Variants in CALN1 observed in about 807,000 individuals in gnomAD.
CALN1 encodes calneuron 1.
Under a neutral mutation model 30.6 loss-of-function variants are expected in CALN1, and 17 were observed. The ratio of observed to expected loss-of-function variants is 0.56; its 90% CI spans 0.38 to 0.83. The LOEUF is 0.83. Ranked by LOEUF, CALN1 falls within the 40% of genes least tolerant of loss-of-function variation. CALN1 has a pLI of 0.00. For missense variants in CALN1, 291 were observed against 354.9 expected, an observed-to-expected ratio of 0.82 and a Z score of 1.45; for synonymous variants, 156 against 131.4, an observed-to-expected ratio of 1.19 and a Z score of -1.28.
chr7:72,201,483 C>A (rs550472818), intron 3 of CALN1, among the ~76,000 whole-genome samples: 4 of 151,532 alleles, frequency 2.6e-5, no homozygotes, highest in Non-Finnish European at 5.9e-5. Context: ...CCCAGCTACT[C>A]GGGAGGCTGA....
At chr7:72,265,980 A>G (rs545637992) in intron 3 of CALN1, among the ~76,000 whole-genome samples, 2 of 152,130 alleles carry the variant, frequency 1.3e-5, no homozygotes, top group Non-Finnish European at 2.9e-5. Context: ...CAAAAATAAA[A>G]AACAAAACAA....
chr7:72,473,939 A>AAAAGAAAG, the CALN1 span, among the ~76,000 whole-genome samples: 1 of 150,690 alleles, frequency 6.6e-6, no homozygotes, highest in Non-Finnish European at 1.5e-5. Context: ...AAAAAAAAAA[A>AAAAGAAAG]AAAGAAAGAA....
chr7:72,233,514 G>A (rs1194451939), intron 3 of CALN1, among the ~76,000 whole-genome samples: 1 of 152,072 alleles, frequency 6.6e-6, no homozygotes, highest in Non-Finnish European at 1.5e-5. Context: ...CCAGGAGTTT[G>A]AGACCAGCAT....
In CALN1 at chr7:71,882,850, TTGTGTGTGTGTGTGTGTG is replaced by T. The variant is rs34870061; in HGVS notation, c.502-72376_502-72359del. ...GGGCATGCCACCATGCCCATCTAATTTGTGTGTGTGTGTGTGTGTGTGTGTGTGTGTGTGTGTGTGTGT... is the reference window on the plus strand; with the variant it reads ...GGGCATGCCACCATGCCCATCTAATTTGTGTGTGTGTGTGTGTGTGTGTGT... On this transcript the variant is annotated intron_variant, in intron 5 of 6. Coordinates refer to ENST00000395275, the MANE Select transcript of CALN1 (RefSeq NM_031468.4). Among the ~76,000 whole-genome samples, 182 of 131,026 alleles carry T rather than the reference TTGTGTGTGTGTGTGTGTG, an allele frequency of 1.4e-3. 4 individuals carry two copies. In the East Asian group the frequency reaches 0.038, roughly 27 times the overall value. The allele number at this position is 131,026 out of a possible 152,430, so 86.0% of individuals were successfully genotyped here. A position where few individuals can be genotyped will look rare whatever the true frequency, so the allele number is the denominator to read the frequency against.
intron 2 of CALN1, among the ~76,000 whole-genome samples, chr7:72,380,221 A>C (rs907984237): frequency 1.3e-5 from 2 of 152,202 alleles, no homozygotes; most frequent in African/African-American, 4.8e-5. Context: ...CCCACAAATC[A>C]GCAAACGCCA....
At chr7:72,391,713 T>TTTTTTG (rs368253225) in intron 2 of CALN1, among the ~76,000 whole-genome samples, 1 of 152,080 alleles carries the variant, frequency 6.6e-6, no homozygotes, top group Non-Finnish European at 1.5e-5. Flanking sequence ...AGTTTTTTTG[T>TTTTTTG]TTTTTGTTTT....
At chr7:71,849,954 TG>T (rs1790542579) in intron 5 of CALN1, among the ~76,000 whole-genome samples, 2 of 152,080 alleles carry the variant, frequency 1.3e-5, no homozygotes, top group South Asian at 4.1e-4. Context: ...CTTTTAAAGG[TG>T]ATATGACAAT....
At chr7:71,836,377 G>A (rs1789602954) in intron 5 of CALN1, among the ~76,000 whole-genome samples, 1 of 152,184 alleles carries the variant, frequency 6.6e-6, no homozygotes, top group Non-Finnish European at 1.5e-5. Context: ...GATCTGGAGT[G>A]GAGGTCAGGT....
At chr7:72,133,908 GT>G (rs1196250321) in intron 3 of CALN1, among the ~76,000 whole-genome samples, 3 of 152,214 alleles carry the variant, frequency 2.0e-5, no homozygotes, top group Non-Finnish European at 4.4e-5. Flanking sequence ...AAATATCCAA[GT>G]GGTGAAAGTG....
chr7:71,946,367 C>CTTTTTTTTTTTT (rs34207419), intron 5 of CALN1, among the ~76,000 whole-genome samples: 1 of 128,682 alleles, frequency 7.8e-6, no homozygotes, highest in African/African-American at 2.9e-5. Context: ...TTCTTTCTTT[C>CTTTTTTTTTTTT]TTTTTTTTTT....
chr7:72,383,227 G>T (rs112147717), intron 2 of CALN1, among the ~76,000 whole-genome samples: 6 of 152,190 alleles, frequency 3.9e-5, no homozygotes, highest in Non-Finnish European at 8.8e-5. Flanking sequence ...TGAACGTAAC[G>T]GTACATGTGT....
chr7:72,348,754 T>G (rs1235622476), intron 2 of CALN1, among the ~76,000 whole-genome samples: 1 of 152,226 alleles, frequency 6.6e-6, no homozygotes, highest in Non-Finnish European at 1.5e-5. Flanking sequence ...TATTTAAGAC[T>G]TGACCTAACA....
At chr7:72,118,020 G>A (rs966301672) in intron 3 of CALN1, among the ~76,000 whole-genome samples, 1 of 151,958 alleles carries the variant, frequency 6.6e-6, no homozygotes, top group African/African-American at 2.4e-5. Context: ...AGCAGGCAGT[G>A]TTGGGGAAAA....
At chr7:72,446,668 G>A (rs1585739544) in intron 1 of CALN1, among the ~76,000 whole-genome samples, 1 of 152,162 alleles carries the variant, frequency 6.6e-6, no homozygotes, top group South Asian at 2.1e-4. Flanking sequence ...CAGGCAAGTC[G>A]AGTCAGGGTT....
intron 2 of CALN1, among the ~76,000 whole-genome samples, chr7:72,381,826 C>A (rs1178974772): frequency 2.0e-5 from 3 of 152,150 alleles, no homozygotes; most frequent in African/African-American, 4.8e-5. Flanking sequence ...ATGTAACCTG[C>A]ACGTTCTGCA....
chr7:72,339,022 T>C (rs1359309098), intron 2 of CALN1, among the ~76,000 whole-genome samples: 3 of 145,538 alleles, frequency 2.1e-5, no homozygotes, highest in Non-Finnish European at 3.0e-5. Flanking sequence ...TGTCCATGAG[T>C]TCAATTGTTT....
chr7:71,807,252 G>C lies in CALN1; in HGVS notation c.658+3084C>G, dbSNP rs190063275. 8.5e-5 allele frequency among the ~76,000 whole-genome samples: 13 copies of C among 152,264 alleles called. No homozygotes were observed. The East Asian group carries it at 2.3e-3, about 27-fold the overall frequency. On this transcript the variant is annotated intron_variant, in intron 6 of 6. Transcript: ENST00000395275. ...ATATGGGAGCAATATGGAAGCAAAGGGTCTAAGGTGAGCCACAGGATCTCA... is the reference window on the plus strand; with the variant it reads ...ATATGGGAGCAATATGGAAGCAAAGCGTCTAAGGTGAGCCACAGGATCTCA...
At chr7:72,215,593 CAAAAA>C (rs35459723) in intron 3 of CALN1, among the ~76,000 whole-genome samples, 1 of 76,944 alleles carries the variant, frequency 1.3e-5, no homozygotes, top group African/African-American at 4.0e-5. Flanking sequence ...AACTCCTGCT[CAAAAA>C]AAAAAAAAAA....
rs1436920694 is a variant in CALN1, at chr7:71,787,901, C to A, written c.660G>T (p.Val220=). ...TCTGTCTGTTCTGCTTCTGGGAATG[C>A]ACTGGTGGTGGGAGAAGCAGGTGTG... ...SGNCQTEFEG[V]HSQKQNRQTC... The change falls in exon 7 of 7, where the codon GTG becomes GTT. Residue 220 remains valine (V), a splice_region_variant and synonymous_variant. Coordinates refer to ENST00000395275, the MANE Select transcript of CALN1 (RefSeq NM_031468.4). 1 of 1,613,942 alleles carries A rather than the reference C, an allele frequency of 6.2e-7. No individual in the cohort carries two copies. The highest frequency in any genetic ancestry group is 1.7e-5 in the Admixed American group (1 of 60,006).
Sources: gnomAD v4.1 joint callset for allele counts (sites outside exome capture counted in the v4.1 genomes callset) on GRCh38, gnomAD v4.1.1 for gene constraint, MANE v1.5 for transcripts, NCBI Gene and HGNC (gene_info 2026-07-23, HGNC 2026-07-21) for gene names.